GRIK4: variants seen among roughly 807,000 people sequenced by gnomAD.
GRIK4 encodes glutamate receptor ionotropic, kainate 4.
A neutral mutation model predicts 104.9 loss-of-function variants in GRIK4; 40 were observed. The observed-to-expected ratio is 0.38, with a 90% CI of 0.30 to 0.50. The LOEUF (loss-of-function observed/expected upper bound fraction) is 0.50, where lower values mean the gene tolerates loss of function less well. Among genes scored for constraint, GRIK4 ranks in the 20% least tolerant of loss-of-function variants. The pLI is 0.93. For synonymous variants in GRIK4, 485 were observed against 524.9 expected, an observed-to-expected ratio of 0.92 and a Z score of 1.04; for missense variants, 1,047 against 1,308.1, an observed-to-expected ratio of 0.80 and a Z score of 3.08.
At chr11:120,934,082 G>A (rs1350611533) in intron 13 of GRIK4, among the ~76,000 whole-genome samples, 5 of 152,000 alleles carry the variant, frequency 3.3e-5, no homozygotes, top group Admixed American at 6.6e-5. Flanking sequence ...GCGGGCGCCT[G>A]TAGTCCCAGC....
intron 16 of GRIK4, among the ~76,000 whole-genome samples, chr11:120,960,558 C>G (rs1045534718): frequency 6.6e-5 from 10 of 152,232 alleles, no homozygotes; most frequent in Non-Finnish European, 1.0e-4. Context: ...TAGCTCTGAA[C>G]AGAGCCCTTG....
chr11:120,773,684 G>A (rs939832645), intron 3 of GRIK4, among the ~76,000 whole-genome samples: 5 of 152,162 alleles, frequency 3.3e-5, no homozygotes, highest in African/African-American at 7.2e-5. Flanking sequence ...TCAAGGCCAC[G>A]CCCTTGGTGA....
chr11:120,908,813 C>A (rs1295191950), intron 13 of GRIK4, among the ~76,000 whole-genome samples: 1 of 152,244 alleles, frequency 6.6e-6, no homozygotes, highest in Non-Finnish European at 1.5e-5. Flanking sequence ...CTCCCCAACA[C>A]TTCTAGGCTG....
At chr11:120,959,422 A>C (rs1944239009) in intron 16 of GRIK4, among the ~76,000 whole-genome samples, 1 of 152,236 alleles carries the variant, frequency 6.6e-6, no homozygotes. Flanking sequence ...AAATCTACAC[A>C]GCAGTGGCAA....
chr11:120,526,527 A>G (rs902004417), intron 1 of GRIK4, among the ~76,000 whole-genome samples: 1 of 152,168 alleles, frequency 6.6e-6, no homozygotes, highest in East Asian at 1.9e-4. Context: ...AACAGTATAC[A>G]TCAATTCAAA....
intron 1 of GRIK4, among the ~76,000 whole-genome samples, chr11:120,616,487 G>A (rs1391642288): frequency 6.6e-6 from 1 of 152,188 alleles, no homozygotes; most frequent in African/African-American, 2.4e-5. Context: ...GACGGAAGCT[G>A]GATACTTTGG....
intron 3 of GRIK4, among the ~76,000 whole-genome samples, chr11:120,723,349 A>T (rs541369628): frequency 5.9e-5 from 9 of 152,106 alleles, no homozygotes; most frequent in Non-Finnish European, 1.2e-4. Context: ...CCTCCCCAAG[A>T]GGGTGGACAG....
At chr11:120,787,965 A>C (rs1461188206) in intron 3 of GRIK4, among the ~76,000 whole-genome samples, 1 of 137,858 alleles carries the variant, frequency 7.3e-6, no homozygotes, top group Non-Finnish European at 1.5e-5. Flanking sequence ...TCCCAGGTTC[A>C]AGCTATTCTC....
At chr11:120,794,094 GGTGTT>G (rs1279343326) in intron 3 of GRIK4, among the ~76,000 whole-genome samples, 6 of 151,314 alleles carry the variant, frequency 4.0e-5, no homozygotes, top group African/African-American at 1.2e-4. Context: ...GTGAGGGGCG[GGTGTT>G]AGGGCTGAGA....
chr11:120,747,508 A>G (rs1427805720), intron 3 of GRIK4, among the ~76,000 whole-genome samples: 1 of 152,204 alleles, frequency 6.6e-6, no homozygotes, highest in Admixed American at 6.5e-5. Context: ...ATTACCCTAG[A>G]TGTAAAGTCA....
chr11:120,830,112 C>A (rs546941968), intron 6 of GRIK4, among the ~76,000 whole-genome samples: 7 of 151,926 alleles, frequency 4.6e-5, no homozygotes, highest in Non-Finnish European at 7.4e-5. Context: ...GACGGGTTGG[C>A]AGCACCTTCC....
At chr11:120,791,327 T>G (rs1232765288) in intron 3 of GRIK4, among the ~76,000 whole-genome samples, 1 of 152,238 alleles carries the variant, frequency 6.6e-6, no homozygotes. Context: ...TATATCATTA[T>G]GGTTTTAATT....
chr11:120,639,390 T>G (rs1949441967), intron 1 of GRIK4, among the ~76,000 whole-genome samples: 1 of 152,154 alleles, frequency 6.6e-6, no homozygotes, highest in East Asian at 1.9e-4. Flanking sequence ...CCTGCTTTTG[T>G]GCTCTTCATC....
intron 19 of GRIK4, among the ~76,000 whole-genome samples, chr11:120,978,416 G>A (rs1290559197): frequency 6.6e-6 from 1 of 152,110 alleles, no homozygotes; most frequent in African/African-American, 2.4e-5. Context: ...GGGGAGTAGG[G>A]GTAGGTTCCA....
At chr11:120,732,811 G>A (rs1951159251) in intron 3 of GRIK4, among the ~76,000 whole-genome samples, 2 of 152,182 alleles carry the variant, frequency 1.3e-5, no homozygotes, top group Admixed American at 1.3e-4. Context: ...TGTGTATTCT[G>A]CAGCCACTGG....
At chr11:120,732,446 T>G (rs1002432134) in intron 3 of GRIK4, among the ~76,000 whole-genome samples, 4 of 152,218 alleles carry the variant, frequency 2.6e-5, no homozygotes, top group Non-Finnish European at 5.9e-5. Context: ...TTCTAGTTCT[T>G]TAGGATGCAT....
At chr11:120,593,864 A>T (rs1436976510) in intron 1 of GRIK4, among the ~76,000 whole-genome samples, 1 of 152,180 alleles carries the variant, frequency 6.6e-6, no homozygotes, top group Non-Finnish European at 1.5e-5. Context: ...AAAGAATGGG[A>T]GTCATTCCTG....
chr11:120,645,978 A>T (rs1949538771), intron 1 of GRIK4, among the ~76,000 whole-genome samples: 1 of 152,184 alleles, frequency 6.6e-6, no homozygotes, highest in Admixed American at 6.5e-5. Context: ...AGGGCGACTG[A>T]TCCATTCAGT....
intron 11 of GRIK4, among the ~76,000 whole-genome samples, chr11:120,879,926 T>G (rs938589956): frequency 9.9e-5 from 15 of 152,208 alleles, no homozygotes; most frequent in Admixed American, 9.8e-4. Flanking sequence ...ATAAGGCCCT[T>G]AATATCCTTC....
Sources: allele counts gnomAD v4.1 joint callset (sites outside exome capture counted in the v4.1 genomes callset), GRCh38; gene constraint gnomAD v4.1.1; transcripts MANE v1.5; gene names NCBI Gene and HGNC (gene_info 2026-07-23, HGNC 2026-07-21).